KCNMB2: variants seen among roughly 807,000 people sequenced by gnomAD.
The protein encoded by KCNMB2 is potassium calcium-activated channel subfamily M regulatory beta subunit 2.
A neutral mutation model predicts 24.5 loss-of-function variants in KCNMB2; 9 were observed. That is an observed-to-expected ratio of 0.37 (90% CI 0.22 to 0.64). The LOEUF is 0.64. Ranked by LOEUF, KCNMB2 falls within the 30% of genes least tolerant of loss-of-function variation. The probability of loss-of-function intolerance (pLI) is 0.63; values close to 1 mark genes in which losing one functional copy is unlikely to be tolerated. For synonymous variants in KCNMB2, 109 were observed against 104.4 expected, an observed-to-expected ratio of 1.04 and a Z score of -0.27; for missense variants, 226 against 284.3, an observed-to-expected ratio of 0.79 and a Z score of 1.47.
At chr3:178,541,645 T>G (rs1390680534) in intron 1 of KCNMB2, among the ~76,000 whole-genome samples, 1 of 152,202 alleles carries the variant, frequency 6.6e-6, no homozygotes, top group Non-Finnish European at 1.5e-5. Context: ...TAGAATGTTT[T>G]ATAGTGTCAA....
chr3:178,572,094 A>G (rs1038708005), intron 1 of KCNMB2, among the ~76,000 whole-genome samples: 2 of 152,228 alleles, frequency 1.3e-5, no homozygotes, highest in African/African-American at 2.4e-5. Flanking sequence ...TTTCAAATGA[A>G]TGTTACACAA....
intron 1 of KCNMB2, among the ~76,000 whole-genome samples, chr3:178,793,945 C>T (rs1265168244): frequency 1.3e-5 from 2 of 152,110 alleles, no homozygotes; most frequent in African/African-American, 2.4e-5. Flanking sequence ...GACCTTTCTG[C>T]ACTGAGCTGC....
chr3:178,539,921 A>T (rs1037283620), intron 1 of KCNMB2, among the ~76,000 whole-genome samples: 10 of 152,178 alleles, frequency 6.6e-5, no homozygotes, highest in Admixed American at 2.0e-4. Flanking sequence ...AAATGAGTTC[A>T]ATCAAGTGTC....
At chr3:178,752,995 C>A (rs150650114) in intron 1 of KCNMB2, among the ~76,000 whole-genome samples, 2 of 152,130 alleles carry the variant, frequency 1.3e-5, no homozygotes, top group Non-Finnish European at 2.9e-5. Context: ...GATAATAAAG[C>A]AAAGACTTCT....
chr3:178,599,981 G>A (rs190716227), intron 1 of KCNMB2, among the ~76,000 whole-genome samples: 187 of 152,226 alleles, frequency 1.2e-3, no homozygotes, highest in African/African-American at 4.3e-3. Context: ...GGGTTTAAAC[G>A]ATTCTCCTGC....
intron 1 of KCNMB2, among the ~76,000 whole-genome samples, chr3:178,600,278 G>A (rs1164921530): frequency 1.3e-5 from 2 of 152,114 alleles, no homozygotes; most frequent in Non-Finnish European, 2.9e-5. Context: ...ATTCCATTGT[G>A]TATATATATG....
intron 1 of KCNMB2, among the ~76,000 whole-genome samples, chr3:178,781,616 T>TAC (rs1279362968): frequency 6.6e-6 from 1 of 150,676 alleles, no homozygotes; most frequent in East Asian, 1.9e-4. Flanking sequence ...AATATATATA[T>TAC]ACACATATAT....
At chr3:178,623,354 G>A (rs951618366) in intron 1 of KCNMB2, among the ~76,000 whole-genome samples, 6 of 152,268 alleles carry the variant, frequency 3.9e-5, no homozygotes, top group Non-Finnish European at 5.9e-5. Context: ...AATTTAGTAG[G>A]TATTCTCTCT....
chr3:178,678,997 TGTTGTC>T (rs1721168169), intron 1 of KCNMB2, among the ~76,000 whole-genome samples: 1 of 147,940 alleles, frequency 6.8e-6, no homozygotes, highest in African/African-American at 2.4e-5. Flanking sequence ...TTGTTGTTGT[TGTTGTC>T]ATTGTTGTTC....
intron 1 of KCNMB2, among the ~76,000 whole-genome samples, chr3:178,782,311 T>C (rs1449466435): frequency 3.6e-5 from 5 of 139,292 alleles, no homozygotes; most frequent in South Asian, 4.9e-4. Context: ...TACCCAGTAA[T>C]GGGATGGCTG....
At chr3:178,548,033 T>C (rs991664713) in intron 1 of KCNMB2, among the ~76,000 whole-genome samples, 1 of 152,246 alleles carries the variant, frequency 6.6e-6, no homozygotes, top group African/African-American at 2.4e-5. Context: ...AAAATATCTT[T>C]TGTTTCTGTC....
chr3:178,634,596 G>C (rs1719445861), intron 1 of KCNMB2, among the ~76,000 whole-genome samples: 1 of 152,092 alleles, frequency 6.6e-6, no homozygotes, highest in African/African-American at 2.4e-5. Context: ...TCCTTCCCAT[G>C]ATACATGGGA....
At chr3:178,653,660 A>T (rs1258775759) in intron 1 of KCNMB2, among the ~76,000 whole-genome samples, 1 of 152,166 alleles carries the variant, frequency 6.6e-6, no homozygotes, top group East Asian at 1.9e-4. Flanking sequence ...AACAATTGAT[A>T]TAATTAAATA....
chr3:178,552,246 C>T (rs1715980735), intron 1 of KCNMB2, among the ~76,000 whole-genome samples: 1 of 152,152 alleles, frequency 6.6e-6, no homozygotes, highest in Non-Finnish European at 1.5e-5. Context: ...ACCACAAACT[C>T]CCACACTGAG....
At chr3:178,788,093 T>C (rs991406537) in intron 1 of KCNMB2, among the ~76,000 whole-genome samples, 4 of 152,158 alleles carry the variant, frequency 2.6e-5, no homozygotes, top group African/African-American at 9.7e-5. Context: ...TGAATCCCTA[T>C]AGAAACAAGA....
chr3:178,785,519 C>T (rs751879664), intron 1 of KCNMB2, among the ~76,000 whole-genome samples: 5 of 151,640 alleles, frequency 3.3e-5, no homozygotes, highest in African/African-American at 7.2e-5. Context: ...ACATATTGAC[C>T]GATTCAAATT....
intron 1 of KCNMB2, among the ~76,000 whole-genome samples, chr3:178,663,322 T>C (rs1453081485): frequency 6.6e-6 from 1 of 152,148 alleles, no homozygotes; most frequent in Non-Finnish European, 1.5e-5. Flanking sequence ...GTCACTGTAG[T>C]AATAAGATAT....
chr3:178,779,648 T>G (rs913330119), intron 1 of KCNMB2, among the ~76,000 whole-genome samples: 1 of 152,216 alleles, frequency 6.6e-6, no homozygotes, highest in Non-Finnish European at 1.5e-5. Flanking sequence ...CCACAATATT[T>G]TATAACATGT....
intron 4 of KCNMB2, among the ~76,000 whole-genome samples, chr3:178,831,663 C>G (rs1045681702): frequency 2.0e-5 from 3 of 152,054 alleles, no homozygotes; most frequent in Admixed American, 6.6e-5. Flanking sequence ...AAACCAAATA[C>G]CACATATTCT....
Sources: gnomAD v4.1 joint callset for allele counts (sites outside exome capture counted in the v4.1 genomes callset) on GRCh38, gnomAD v4.1.1 for gene constraint, MANE v1.5 for transcripts, NCBI Gene and HGNC (gene_info 2026-07-23, HGNC 2026-07-21) for gene names.